The following RICTOR variants were observed in gnomAD, a reference collection of about 807,000 sequenced individuals.
The protein encoded by RICTOR is rapamycin-insensitive companion of mTOR.
Under a neutral mutation model 214.9 loss-of-function variants are expected in RICTOR, and 49 were observed. The observed-to-expected ratio is 0.23, with a 90% CI of 0.18 to 0.29. The LOEUF (loss-of-function observed/expected upper bound fraction) is 0.29, where lower values mean the gene tolerates loss of function less well. RICTOR is among the 10% of genes least tolerant of loss of function. The pLI is 1.00. For missense variants in RICTOR, 1,625 were observed against 2,047.0 expected, an observed-to-expected ratio of 0.79 and a Z score of 3.98; for synonymous variants, 717 against 711.3, an observed-to-expected ratio of 1.01 and a Z score of -0.13.
chr5:38,992,192 T>C (rs1752837806), intron 6 of RICTOR, among the ~76,000 whole-genome samples: 1 of 152,128 alleles, frequency 6.6e-6, no homozygotes, highest in Non-Finnish European at 1.5e-5. Flanking sequence ...CCAATAACTG[T>C]AGAATCTACA....
intron 3 of RICTOR, among the ~76,000 whole-genome samples, chr5:39,013,739 T>C (rs369625583): frequency 6.8e-4 from 104 of 152,170 alleles, no homozygotes; most frequent in African/African-American, 2.4e-3. Context: ...AAAAAGTAGA[T>C]TGACATGTAT....
intron 2 of RICTOR, among the ~76,000 whole-genome samples, chr5:39,029,985 A>G (rs867437331): frequency 6.6e-6 from 1 of 152,170 alleles, no homozygotes; most frequent in Non-Finnish European, 1.5e-5. Context: ...TTAGTAGTAC[A>G]TTACTTTCAT....
chr5:38,967,285 C>T, intron 13 of RICTOR, 52 bp downstream of exon 13: 1 of 1,594,416 alleles, frequency 6.3e-7, no homozygotes, highest in South Asian at 1.1e-5. Flanking sequence ...CACAGTCTAA[C>T]ATAAAAACCC....
At chr5:38,982,421 A>G (rs1288740888) in intron 7 of RICTOR, among the ~76,000 whole-genome samples, 1 of 152,176 alleles carries the variant, frequency 6.6e-6, no homozygotes, top group Non-Finnish European at 1.5e-5. Flanking sequence ...TTTTTATTAA[A>G]CACACACATA....
intron 9 of RICTOR, 39 bp downstream of exon 9, chr5:38,978,544 A>G: frequency 2.0e-6 from 2 of 1,021,608 alleles, no homozygotes; most frequent in Admixed American, 4.1e-5. Context: ...ATTAACATAT[A>G]CATTATCTTA....
chr5:39,058,521 G>A (rs1408550194), intron 2 of RICTOR, among the ~76,000 whole-genome samples: 1 of 152,054 alleles, frequency 6.6e-6, no homozygotes, highest in Non-Finnish European at 1.5e-5. Flanking sequence ...AGTGGTATAA[G>A]ACAGTTCTAA....
rs115175101 is a variant in RICTOR, at chr5:39,001,501, A to T, written c.392+1034T>A. ...TATAAAGGAATAAAACCTTTAAAAG[A>T]AAACACAGATCTCTTCCAAATAGAC... On this transcript the variant is annotated intron_variant, in intron 5 of 37. Coordinates refer to ENST00000357387, the MANE Select transcript of RICTOR (RefSeq NM_152756.5). Among the ~76,000 whole-genome samples the T allele has an allele frequency of 5.9e-3, 903 of 152,268 alleles. 12 individuals are homozygous for T. The highest frequency in any genetic ancestry group is 0.021 in the African/African-American group (865 of 41,576).
chr5:39,073,033 A>G (rs1012471393), intron 2 of RICTOR, among the ~76,000 whole-genome samples: 1 of 152,264 alleles, frequency 6.6e-6, no homozygotes, highest in Non-Finnish European at 1.5e-5. Flanking sequence ...CGTTGTCAAC[A>G]AGGAGCCCAG....
At chr5:39,045,194 A>G (rs1757406853) in intron 2 of RICTOR, among the ~76,000 whole-genome samples, 1 of 152,208 alleles carries the variant, frequency 6.6e-6, no homozygotes, top group Non-Finnish European at 1.5e-5. Context: ...ACACAAACAC[A>G]AAGTATATAT....
At chr5:39,014,637 AG>A (rs938083735) in intron 3 of RICTOR, among the ~76,000 whole-genome samples, 2 of 152,174 alleles carry the variant, frequency 1.3e-5, no homozygotes, top group Non-Finnish European at 2.9e-5. Context: ...TTTAAAAAGC[AG>A]GTCTTTAGAT....
rs1747216031 is a variant in RICTOR at position 38,938,591 on chromosome 5, A to C, written c.*3713T>G. On this transcript the variant is annotated 3_prime_UTR_variant, in exon 38 of 38. Transcript: ENST00000357387. ...GATACTTACATTACAAAAATACTCC[A>C]AACAGGAAAAAAGTCCACATTCTGT... 1 of 232,794 alleles carries C rather than the reference A, an allele frequency of 4.3e-6. No individual in the cohort carries two copies. The highest frequency in any genetic ancestry group is 2.2e-5 in the African/African-American group (1 of 45,324). The allele number at this position is 232,794 out of a possible 1,614,324, so 14.4% of individuals were successfully genotyped here.
intron 2 of RICTOR, among the ~76,000 whole-genome samples, chr5:39,063,796 T>G (rs979116265): frequency 2.6e-5 from 4 of 151,830 alleles, no homozygotes; most frequent in African/African-American, 9.7e-5. Flanking sequence ...TGGTTGACAT[T>G]AATAAAACCA....
intron 3 of RICTOR, among the ~76,000 whole-genome samples, chr5:39,016,981 C>T (rs984917419): frequency 7.9e-5 from 12 of 152,092 alleles, no homozygotes; most frequent in Admixed American, 2.6e-4. Context: ...AAGTTAATGT[C>T]ATGTTTCTTT....
chr5:39,042,677 A>G (rs1757250488), intron 2 of RICTOR, among the ~76,000 whole-genome samples: 1 of 152,190 alleles, frequency 6.6e-6, no homozygotes, highest in Admixed American at 6.5e-5. Context: ...TCCCTATACC[A>G]CAATTCTGCT....
At chr5:38,998,521 C>G (rs375107059) in intron 5 of RICTOR, among the ~76,000 whole-genome samples, 1 of 152,148 alleles carries the variant, frequency 6.6e-6, no homozygotes, top group African/African-American at 2.4e-5. Flanking sequence ...CACATTCTAT[C>G]AGACAATATG....
chr5:38,996,905 A>T, intron 5 of RICTOR, 23 bp from the exon 6 acceptor site: 1 of 1,552,072 alleles, frequency 6.4e-7, no homozygotes, highest in South Asian at 1.1e-5. Context: ...CAAAATATTA[A>T]TCATTGATAA....
In RICTOR at chr5:38,953,468, C is replaced by A; in HGVS notation, c.2783G>T (p.Trp928Leu). ...EEIKKLKASL[W>L]ALGNIGSSNW... ...GAAGTGTTTATTACAAACCAAGGCC[C>A]AAAGAGATGCTTTCAGTTTTTTAAT... Residue 928 changes from tryptophan to leucine, a missense_variant, in exon 28 of 38, where the codon TGG (tryptophan) becomes TTG (leucine). This residue lies in a region of RICTOR where 1,214 missense variants were observed against 1,470.5 expected (regional missense o/e 0.83). Transcript: ENST00000357387. 2 of 1,446,762 alleles carry A rather than the reference C, an allele frequency of 1.4e-6. No individual in the cohort carries two copies. The highest frequency in any genetic ancestry group is 9.3e-7 in the Non-Finnish European group (1 of 1,077,130). 89.6% of individuals were successfully genotyped at this position (1,446,762 alleles called of 1,614,324 possible). A position where few individuals can be genotyped will look rare whatever the true frequency, so the allele number is the denominator to read the frequency against.
At chr5:39,047,725 G>A (rs532103779) in intron 2 of RICTOR, among the ~76,000 whole-genome samples, 56 of 152,304 alleles carry the variant, frequency 3.7e-4, no homozygotes, top group Non-Finnish European at 6.6e-4. Flanking sequence ...GGTCACGTCA[G>A]TTTTAACAGG....
At chr5:39,071,235 T>C (rs1424856647) in intron 2 of RICTOR, among the ~76,000 whole-genome samples, 1 of 152,216 alleles carries the variant, frequency 6.6e-6, no homozygotes, top group Non-Finnish European at 1.5e-5. Context: ...TATAACATAC[T>C]GCACTTCGCT....
Sources: gnomAD v4.1 joint callset for allele counts (sites outside exome capture counted in the v4.1 genomes callset) on GRCh38, gnomAD v4.1.1 for gene constraint, gnomAD v4.1.1 regional missense constraint, MANE v1.5 for transcripts, NCBI Gene and HGNC (gene_info 2026-07-23, HGNC 2026-07-21) for gene names.